Variants in ANKFN1 observed in about 807,000 individuals in gnomAD.
ANKFN1 encodes ankyrin repeat and fibronectin type-III domain-containing protein 1.
A neutral mutation model predicts 108.7 loss-of-function variants in ANKFN1; 74 were observed. The ratio of observed to expected loss-of-function variants is 0.68; its 90% CI spans 0.56 to 0.83. The LOEUF (loss-of-function observed/expected upper bound fraction) is 0.83, where lower values mean the gene tolerates loss of function less well. ANKFN1 is among the 40% of genes least tolerant of loss of function. The pLI is 0.00. For synonymous variants in ANKFN1, 547 were observed against 516.2 expected (o/e 1.06, Z -0.81); for missense variants, 1,505 against 1,382.3 (o/e 1.09, Z -1.41).
At chr17:56,063,115 C>A (rs1905003971) in intron 4 of ANKFN1, among the ~76,000 whole-genome samples, 1 of 152,144 alleles carries the variant, frequency 6.6e-6, no homozygotes. Context: ...TGATGGGCTT[C>A]CCTTTTTAGG....
chr17:56,356,062 C>A lies in ANKFN1; in HGVS notation c.601+2016C>A, dbSNP rs80171330. Reference sequence around the variant, plus strand: ...TTATATAATATATGGTCTTCTGTGACTGGCTTCTTTCTGGATGTGTTTTGA... The same window carrying A: ...TTATATAATATATGGTCTTCTGTGAATGGCTTCTTTCTGGATGTGTTTTGA... On this transcript the variant is annotated intron_variant, in intron 6 of 20. Coordinates refer to ENST00000682825, the MANE Select transcript of ANKFN1 (RefSeq NM_001370326.1). Among the ~76,000 whole-genome samples the A allele has an allele frequency of 9.4e-4, 143 of 152,244 alleles. 1 individual carries two copies. The highest frequency in any genetic ancestry group is 3.4e-3 in the Middle Eastern group (1 of 294).
chr17:56,252,208 T>A (rs1030584881), intron 3 of ANKFN1: 5 of 152,204 alleles, frequency 3.3e-5, no homozygotes, highest in African/African-American at 1.2e-4. Context: ...TATTTCCACT[T>A]CTTCATTCTA....
At chr17:56,461,809 A>G (rs1360519529) in intron 14 of ANKFN1, among the ~76,000 whole-genome samples, 1 of 152,224 alleles carries the variant, frequency 6.6e-6, no homozygotes, top group Non-Finnish European at 1.5e-5. Flanking sequence ...TTGGATAAAT[A>G]AATATATCTG....
intron 8 of ANKFN1, among the ~76,000 whole-genome samples, chr17:56,375,500 G>C (rs1488943456): frequency 2.0e-5 from 3 of 152,168 alleles, no homozygotes; most frequent in Non-Finnish European, 4.4e-5. Context: ...ATTAAGGCTA[G>C]GGAGTTTAGA....
intron 1 of ANKFN1, among the ~76,000 whole-genome samples, chr17:56,176,616 G>A (rs1196311315): frequency 2.0e-5 from 3 of 152,072 alleles, no homozygotes; most frequent in Non-Finnish European, 4.4e-5. Flanking sequence ...GCCCTCAAAA[G>A]ACATTAAATG....
chr17:56,359,948 G>T (rs1347526158), intron 6 of ANKFN1, among the ~76,000 whole-genome samples: 1 of 152,122 alleles, frequency 6.6e-6, no homozygotes, highest in Non-Finnish European at 1.5e-5. Flanking sequence ...GTTGCTGAGA[G>T]TCACACCTGA....
At chr17:56,452,320 C>T (rs1035661981) in intron 11 of ANKFN1, among the ~76,000 whole-genome samples, 2 of 152,124 alleles carry the variant, frequency 1.3e-5, no homozygotes, top group Non-Finnish European at 2.9e-5. Flanking sequence ...TGCTTCAGAA[C>T]TCCAAACCAA....
intron 1 of ANKFN1, among the ~76,000 whole-genome samples, chr17:56,202,729 A>C (rs951960185): frequency 6.6e-6 from 1 of 152,196 alleles, no homozygotes; most frequent in African/African-American, 2.4e-5. Flanking sequence ...GGATTTGTAG[A>C]TTGTCCTTTA....
intron 4 of ANKFN1, among the ~76,000 whole-genome samples, chr17:56,138,691 G>A (rs1159914547): frequency 1.3e-5 from 2 of 151,602 alleles, no homozygotes; most frequent in East Asian, 1.9e-4. Context: ...TTACATTTTT[G>A]TTAGAGACGG....
intron 1 of ANKFN1, among the ~76,000 whole-genome samples, chr17:56,176,711 G>C (rs1427639676): frequency 6.6e-6 from 1 of 152,174 alleles, no homozygotes. Context: ...CACCTGTCTT[G>C]TATGTAGGAA....
At chr17:56,498,823 T>G (rs1004432686) in intron 19 of ANKFN1, 59 bp from the exon 20 acceptor site, 3 of 1,373,710 alleles carry the variant, frequency 2.2e-6, no homozygotes, top group Middle Eastern at 3.6e-4. Context: ...CTCAGGGAAA[T>G]GTATTCCTTT....
At chr17:56,094,474 CTTTTTTTTTTT>C (rs60149030) in intron 4 of ANKFN1, among the ~76,000 whole-genome samples, 34 of 75,966 alleles carry the variant, frequency 4.5e-4, no homozygotes, top group Middle Eastern at 0.017. Context: ...GTTGTTTCTT[CTTTTTTTTTTT>C]TTTTTTTTTT....
At chr17:56,385,656 C>G (rs922545553) in intron 8 of ANKFN1, among the ~76,000 whole-genome samples, 1 of 152,066 alleles carries the variant, frequency 6.6e-6, no homozygotes, top group Non-Finnish European at 1.5e-5. Context: ...AAAAAGTGTG[C>G]GAAGGACATG....
At chr17:56,060,228 G>A (rs934155069) in intron 4 of ANKFN1, among the ~76,000 whole-genome samples, 9 of 152,106 alleles carry the variant, frequency 5.9e-5, no homozygotes, top group African/African-American at 2.2e-4. Flanking sequence ...TTGGCTCTCT[G>A]CTTGTCTATT....
chr17:56,069,982 G>T (rs989585649), intron 4 of ANKFN1, among the ~76,000 whole-genome samples: 6 of 152,170 alleles, frequency 3.9e-5, no homozygotes, highest in Non-Finnish European at 4.4e-5. Flanking sequence ...TCATGGTGCT[G>T]ATGGGAGTAT....
At chr17:56,315,589 C>A (rs550293659) in intron 3 of ANKFN1, among the ~76,000 whole-genome samples, 3 of 152,332 alleles carry the variant, frequency 2.0e-5, no homozygotes, top group East Asian at 3.9e-4. Flanking sequence ...TTCCATTCAA[C>A]GCCTTTGCTG....
intron 4 of ANKFN1, among the ~76,000 whole-genome samples, chr17:56,122,366 G>GATCTTCTT (rs1402932173): frequency 6.6e-6 from 1 of 152,130 alleles, no homozygotes; most frequent in Non-Finnish European, 1.5e-5. Flanking sequence ...ACGTGCCTGA[G>GATCTTCTT]ATCTTCTTTG....
rs1374945767 is a variant in ANKFN1 at position 56,511,265 on chromosome 17, T to C, written c.3437T>C (p.Leu1146Pro). 2 of 1,517,948 alleles carry C rather than the reference T, an allele frequency of 1.3e-6. No individual in the cohort carries two copies. Among genetic ancestry groups the C allele is most frequent in the Non-Finnish European group, 1.8e-6 (2 of 1,135,426 alleles). The allele number at this position is 1,517,948 out of a possible 1,614,324, so 94.0% of individuals were successfully genotyped here. ...ATGTCAGAAATACTCAGCAGCATGC[T>C]TTAGGGAGGCCCATCCCGGCTGTCC... is the stretch of plus-strand genomic sequence containing the variant. The part of the protein sequence containing the change: ...SPMSEILSSM[L>P] Residue 1146 changes from leucine (L) to proline (P), a missense_variant, in exon 21 of 21, where the codon CTT (leucine) becomes CCT (proline). Leu to Pro is a moderately conservative substitution (Grantham distance 98). Coordinates refer to ENST00000682825, the MANE Select transcript of ANKFN1 (RefSeq NM_001370326.1).
chr17:56,215,915 A>T (rs567409054), intron 2 of ANKFN1: 1 of 152,534 alleles, frequency 6.6e-6, no homozygotes, highest in Non-Finnish European at 1.5e-5. Context: ...CATTCACCTC[A>T]CTGCACTCTA....
Sources: gnomAD v4.1 joint callset for allele counts (sites outside exome capture counted in the v4.1 genomes callset) on GRCh38, gnomAD v4.1.1 for gene constraint, MANE v1.5 for transcripts, NCBI Gene and HGNC (gene_info 2026-07-23, HGNC 2026-07-21) for gene names.